SDK1: variants seen among roughly 807,000 people sequenced by gnomAD.
SDK1 encodes protein sidekick-1.
Under a neutral mutation model 245.5 loss-of-function variants are expected in SDK1, and 157 were observed. The observed-to-expected ratio is 0.64, with a 90% CI of 0.56 to 0.73. The LOEUF is 0.73. Ranked by LOEUF, SDK1 falls within the 30% of genes least tolerant of loss-of-function variation. The pLI is 0.00. For synonymous variants in SDK1, 1,647 were observed against 1,278.5 expected (o/e 1.29, Z -6.15); for missense variants, 3,583 against 3,002.3 (o/e 1.19, Z -4.52).
intron 1 of SDK1, among the ~76,000 whole-genome samples, chr7:3,513,902 C>A (rs143644331): frequency 2.0e-5 from 3 of 152,224 alleles, no homozygotes; most frequent in Non-Finnish European, 2.9e-5. Flanking sequence ...TCTGTTCTTG[C>A]ATTAATTTGC....
At chr7:4,024,638 C>G (rs1282399079) in intron 17 of SDK1, among the ~76,000 whole-genome samples, 1 of 152,174 alleles carries the variant, frequency 6.6e-6, no homozygotes, top group Admixed American at 6.5e-5. Context: ...CCATTCATCC[C>G]TGGGGGTCAC....
chr7:3,780,462 C>T (rs1780697411), intron 4 of SDK1, among the ~76,000 whole-genome samples: 1 of 152,216 alleles, frequency 6.6e-6, no homozygotes. Flanking sequence ...TTTCTGGCAG[C>T]TGTGGCTCCC....
intron 4 of SDK1, among the ~76,000 whole-genome samples, chr7:3,734,985 C>G (rs1048740842): frequency 2.0e-5 from 3 of 152,112 alleles, no homozygotes; most frequent in African/African-American, 7.2e-5. Flanking sequence ...CTATGTGTTC[C>G]TCATTCTCCC....
chr7:3,878,932 C>G (rs750674610), intron 5 of SDK1, among the ~76,000 whole-genome samples: 4 of 152,066 alleles, frequency 2.6e-5, no homozygotes, highest in Non-Finnish European at 5.9e-5. Flanking sequence ...AATCGCCACT[C>G]AGGTCAAGAT....
intron 4 of SDK1, among the ~76,000 whole-genome samples, chr7:3,794,582 A>G (rs1778916568): frequency 6.6e-6 from 1 of 152,182 alleles, no homozygotes; most frequent in South Asian, 2.1e-4. Flanking sequence ...AAGAAGAGGA[A>G]GAGGGACCTA....
rs574528876 is a variant in SDK1, at chr7:3,992,863, T to C, written c.2131+5541T>C. On this transcript the variant is annotated intron_variant, in intron 14 of 44. Coordinates refer to ENST00000404826, the MANE Select transcript of SDK1 (RefSeq NM_152744.4). Reference sequence around the variant, plus strand: ...GCACTTTGAGTAATGCAAATTTCTTTTCCAAAGAAATGCAAATAAATGCAA... The same window carrying C: ...GCACTTTGAGTAATGCAAATTTCTTCTCCAAAGAAATGCAAATAAATGCAA... Among the ~76,000 whole-genome samples, 5 of 152,330 alleles carry C rather than the reference T, an allele frequency of 3.3e-5. No homozygotes were observed. The South Asian group carries it at 8.3e-4, about 25-fold the overall frequency.
rs549922689 is a variant in SDK1 at position 3,639,053 on chromosome 7, G to T, written c.508G>T (p.Val170Leu). 5 of 1,605,020 alleles carry T rather than the reference G, an allele frequency of 3.1e-6. No individual in the cohort carries two copies. Among genetic ancestry groups the T allele is most frequent in the Non-Finnish European group, 3.4e-6 (4 of 1,173,306 alleles). ...GCTCGATGCTGGGTTTTACCGCTGC[G>T]TGGTGCGAAACAGAATGGGAGCACT... ...QKLDAGFYRC[V>L]VRNRMGALLQ... Residue 170 changes from valine (V) to leucine (L), a missense_variant, in exon 3 of 45, where the codon GTG becomes TTG. Transcript: ENST00000404826.
chr7:3,972,263 T>C (rs1782547450), intron 12 of SDK1, among the ~76,000 whole-genome samples: 1 of 151,982 alleles, frequency 6.6e-6, no homozygotes. Flanking sequence ...GTATTTTTAG[T>C]AGAGACGGCG....
chr7:3,841,822 C>A (rs1401757846), intron 5 of SDK1, among the ~76,000 whole-genome samples: 1 of 152,146 alleles, frequency 6.6e-6, no homozygotes, highest in Non-Finnish European at 1.5e-5. Context: ...CTCAGCCTCC[C>A]AAAGTGCTGG....
intron 5 of SDK1, among the ~76,000 whole-genome samples, chr7:3,927,732 C>T (rs1279398737): frequency 1.3e-5 from 2 of 152,206 alleles, no homozygotes; most frequent in African/African-American, 4.8e-5. Flanking sequence ...GTATTCTGCT[C>T]AGAAGTAAAA....
intron 4 of SDK1, among the ~76,000 whole-genome samples, chr7:3,645,452 G>A (rs1011673028): frequency 6.6e-6 from 1 of 152,228 alleles, no homozygotes; most frequent in South Asian, 2.1e-4. Flanking sequence ...AAATCAGTAT[G>A]GATATGTGTT....
intron 42 of SDK1, among the ~76,000 whole-genome samples, chr7:4,240,453 C>T (rs1406129124): frequency 2.0e-5 from 3 of 152,122 alleles, no homozygotes; most frequent in Admixed American, 2.0e-4. Flanking sequence ...TCTTGGTTTC[C>T]ACCTGCTCAC....
intron 4 of SDK1, among the ~76,000 whole-genome samples, chr7:3,779,403 C>T (rs945812559): frequency 6.6e-6 from 1 of 151,480 alleles, no homozygotes; most frequent in African/African-American, 2.4e-5. Flanking sequence ...AGACATCGAA[C>T]AGTAGTTGAT....
intron 1 of SDK1, among the ~76,000 whole-genome samples, chr7:3,330,304 G>A (rs4495320): frequency 0.62 from 93,993 of 152,020 alleles, 30,368 homozygotes; most frequent in African/African-American, 0.83. Context: ...TCCAATACCA[G>A]TGTGTGAGGG....
intron 32 of SDK1, among the ~76,000 whole-genome samples, chr7:4,172,166 G>A (rs555965374): frequency 5.3e-5 from 8 of 152,320 alleles, no homozygotes; most frequent in Admixed American, 5.2e-4. Context: ...TCCTGAATTG[G>A]GAGCATCACA....
At chr7:3,871,552 C>T (rs546248139) in intron 5 of SDK1, among the ~76,000 whole-genome samples, 21 of 152,310 alleles carry the variant, frequency 1.4e-4, no homozygotes, top group Admixed American at 2.6e-4. Flanking sequence ...GCAGGAAGCA[C>T]GGTGCCAGCC....
At chr7:4,136,448 C>T (rs746334558) in intron 28 of SDK1, among the ~76,000 whole-genome samples, 4 of 152,310 alleles carry the variant, frequency 2.6e-5, no homozygotes, top group Non-Finnish European at 4.4e-5. Context: ...CTCTGCCGCC[C>T]GAGCTTTTGT....
intron 1 of SDK1, among the ~76,000 whole-genome samples, chr7:3,569,952 G>C (rs940290940): frequency 6.6e-6 from 1 of 152,152 alleles, no homozygotes; most frequent in Non-Finnish European, 1.5e-5. Context: ...CAGAAGTTCA[G>C]AGTGTTTTTC....
At chr7:3,546,596 A>G (rs1279435427) in intron 1 of SDK1, among the ~76,000 whole-genome samples, 1 of 152,224 alleles carries the variant, frequency 6.6e-6, no homozygotes, top group Non-Finnish European at 1.5e-5. Context: ...GCCAAGCACC[A>G]AAATGAGTGA....
Sources: allele counts gnomAD v4.1 joint callset (sites outside exome capture counted in the v4.1 genomes callset), GRCh38; gene constraint gnomAD v4.1.1; transcripts MANE v1.5; gene names NCBI Gene and HGNC (gene_info 2026-07-23, HGNC 2026-07-21).